BLTP1: variants seen among roughly 807,000 people sequenced by gnomAD.
BLTP1 encodes bridge-like lipid transfer protein family member 1.
the BLTP1 span, among the ~76,000 whole-genome samples, chr4:122,183,990 T>C: frequency 6.6e-6 from 1 of 152,168 alleles, no homozygotes; most frequent in Non-Finnish European, 1.5e-5. Context: ...CACTGTAATC[T>C]TGTTAACAAT....
At chr4:122,177,449 T>C in the BLTP1 span, among the ~76,000 whole-genome samples, 3 of 152,206 alleles carry the variant, frequency 2.0e-5, no homozygotes, top group Non-Finnish European at 2.9e-5. Flanking sequence ...AAATGTAAGA[T>C]CATTTTATTC....
chr4:122,194,233 T>C, the BLTP1 span, among the ~76,000 whole-genome samples: 1 of 152,204 alleles, frequency 6.6e-6, no homozygotes. Context: ...AATCTTGTTA[T>C]CTGTAGTATA....
chr4:122,160,726 T>C, the BLTP1 span, among the ~76,000 whole-genome samples: 1 of 152,226 alleles, frequency 6.6e-6, no homozygotes, highest in Admixed American at 6.5e-5. Flanking sequence ...ATTTTACTTT[T>C]GTTTTGGGAT....
the BLTP1 span, chr4:122,249,023 C>G: frequency 1.0e-6 from 1 of 965,390 alleles, no homozygotes; most frequent in Non-Finnish European, 1.2e-6. Flanking sequence ...AGCAGTGGAA[C>G]CATGACAAGG....
the BLTP1 span, among the ~76,000 whole-genome samples, chr4:122,179,607 C>T: frequency 6.6e-6 from 1 of 152,134 alleles, no homozygotes. Flanking sequence ...CAGTATTACA[C>T]ACTTAGATAC....
chr4:122,193,000 A>T, the BLTP1 span, among the ~76,000 whole-genome samples: 1 of 152,166 alleles, frequency 6.6e-6, no homozygotes, highest in Non-Finnish European at 1.5e-5. Context: ...TGAGAGAAGG[A>T]TGTGATCTAG....
chr4:122,347,637 C>A, the BLTP1 span: 1 of 1,613,908 alleles, frequency 6.2e-7, no homozygotes. Flanking sequence ...CAGCCTCCTT[C>A]ACCCACATGC....
At chr4:122,235,581 G>A in the BLTP1 span, 22 of 416,996 alleles carry the variant, frequency 5.3e-5, no homozygotes, top group South Asian at 8.1e-4. Context: ...CAAGGTGGGC[G>A]GATCACGAGG....
chr4:122,301,435 C>G, the BLTP1 span: 1 of 1,275,678 alleles, frequency 7.8e-7, no homozygotes. Flanking sequence ...AAAAATTTTT[C>G]TAATCAATTA....
chr4:122,172,306 C>A, the BLTP1 span: 1 of 721,726 alleles, frequency 1.4e-6, no homozygotes, highest in Non-Finnish European at 1.7e-6. Context: ...AGAAGTAATA[C>A]TTTTGAAAAG....
the BLTP1 span, chr4:122,223,270 T>C: frequency 3.8e-6 from 1 of 263,208 alleles, no homozygotes; most frequent in Non-Finnish European, 5.9e-6. Context: ...TAAGACTGTT[T>C]CCCAACATAT....
chr4:122,291,362 G>A, the BLTP1 span, among the ~76,000 whole-genome samples: 1 of 152,172 alleles, frequency 6.6e-6, no homozygotes, highest in Admixed American at 6.5e-5. Flanking sequence ...AATATTGAGA[G>A]GGAATACTTT....
At chr4:122,206,749 G>T in the BLTP1 span, among the ~76,000 whole-genome samples, 1 of 151,784 alleles carries the variant, frequency 6.6e-6, no homozygotes, top group Non-Finnish European at 1.5e-5. Flanking sequence ...CATAAAAAAT[G>T]TGCATATAGG....
chr4:122,237,966 A>C, the BLTP1 span: 1 of 966,444 alleles, frequency 1.0e-6, no homozygotes, highest in Non-Finnish European at 1.4e-6. Flanking sequence ...CTGGTGACAG[A>C]GCGAGACTCC....
At chr4:122,322,571 G>A in the BLTP1 span, among the ~76,000 whole-genome samples, 1 of 152,050 alleles carries the variant, frequency 6.6e-6, no homozygotes, top group Non-Finnish European at 1.5e-5. Context: ...GATATGCCTT[G>A]TAATTTTTTA....
chr4:122,244,701 G>A, the BLTP1 span: 22 of 765,638 alleles, frequency 2.9e-5, no homozygotes, highest in African/African-American at 3.2e-4. Context: ...AATTTTCTTC[G>A]ATAACTTATA....
At chr4:122,338,752 A>T in the BLTP1 span, among the ~76,000 whole-genome samples, 4 of 152,066 alleles carry the variant, frequency 2.6e-5, no homozygotes, top group African/African-American at 9.7e-5. Flanking sequence ...TTTTCAATCC[A>T]TGTTTGGCGG....
At chr4:122,206,755 A>G in the BLTP1 span, among the ~76,000 whole-genome samples, 1 of 151,878 alleles carries the variant, frequency 6.6e-6, no homozygotes, top group Non-Finnish European at 1.5e-5. Flanking sequence ...AAATGTGCAT[A>G]TAGGATAGTG....
chr4:122,245,633 A>G, the BLTP1 span, among the ~76,000 whole-genome samples: 1 of 152,180 alleles, frequency 6.6e-6, no homozygotes, highest in Non-Finnish European at 1.5e-5. Context: ...TAGCAGTCAT[A>G]TCCCAGTGCT....
Sources: gnomAD v4.1 joint callset for allele counts (sites outside exome capture counted in the v4.1 genomes callset) on GRCh38, gnomAD v4.1.1 for gene constraint, MANE v1.5 for transcripts, NCBI Gene and HGNC (gene_info 2026-07-23, HGNC 2026-07-21) for gene names.